The following DRC9 variants were observed in gnomAD, a reference collection of about 807,000 sequenced individuals.
DRC9 encodes the protein dynein regulatory complex protein 9.
At chr3:197,904,035 CATACAT>C in the DRC9 span, among the ~76,000 whole-genome samples, 1 of 72,174 alleles carries the variant, frequency 1.4e-5, no homozygotes, top group Admixed American at 1.2e-4. Context: ...TATATATATA[CATACAT>C]ATATATACAT....
chr3:197,946,161 C>T, the DRC9 span, among the ~76,000 whole-genome samples: 2,766 of 152,080 alleles, frequency 0.018, 84 homozygotes, highest in African/African-American at 0.063. Context: ...TGGGGCCGGG[C>T]GCGGGGGCTC....
chr3:197,926,713 G>C, the DRC9 span, among the ~76,000 whole-genome samples: 2 of 152,132 alleles, frequency 1.3e-5, no homozygotes, highest in Non-Finnish European at 2.9e-5. Context: ...AATCACATGG[G>C]ATGGGCCTTT....
the DRC9 span, chr3:197,957,569 C>T: frequency 1.3e-5 from 2 of 151,256 alleles, no homozygotes; most frequent in Admixed American, 6.6e-5. Context: ...GCCATTCTGT[C>T]TCAGCCTCCC....
At chr3:197,908,689 A>G in the DRC9 span, among the ~76,000 whole-genome samples, 15 of 148,510 alleles carry the variant, frequency 1.0e-4, no homozygotes, top group East Asian at 2.9e-3. Context: ...AGATGAAGTT[A>G]TCACAGGGGT....
the DRC9 span, chr3:197,951,249 C>T: frequency 6.2e-7 from 1 of 1,614,136 alleles, no homozygotes; most frequent in Non-Finnish European, 8.5e-7. Flanking sequence ...AAGGTGTTTA[C>T]GCCCGAGATG....
chr3:197,950,832 A>C, the DRC9 span: 1 of 989,868 alleles, frequency 1.0e-6, no homozygotes, highest in Non-Finnish European at 1.6e-6. Flanking sequence ...TCCTACATGA[A>C]ACTCCCATCC....
At chr3:197,906,013 G>A in the DRC9 span, among the ~76,000 whole-genome samples, 1 of 146,270 alleles carries the variant, frequency 6.8e-6, no homozygotes, top group Non-Finnish European at 1.5e-5. Context: ...TCTCACAGTT[G>A]ATGATTAAAA....
the DRC9 span, chr3:197,912,454 T>C: frequency 6.3e-6 from 3 of 474,444 alleles, no homozygotes; most frequent in Non-Finnish European, 7.5e-6. Context: ...TTATGTAAGC[T>C]CAATGATAAA....
chr3:197,939,132 G>T, the DRC9 span: 1 of 205,422 alleles, frequency 4.9e-6, no homozygotes, highest in South Asian at 9.1e-5. Context: ...TAGAGATCTT[G>T]GTTCCACTTC....
chr3:197,889,844 G>T, the DRC9 span: 3 of 1,057,052 alleles, frequency 2.8e-6, no homozygotes, highest in Non-Finnish European at 2.8e-6. Flanking sequence ...CATGGAAGTA[G>T]CCAGGCACGT....
the DRC9 span, chr3:197,955,907 G>A: frequency 1.3e-6 from 1 of 759,370 alleles, no homozygotes; most frequent in South Asian, 1.4e-5. Flanking sequence ...TGGAGTACAA[G>A]GGGGTCAGAG....
At chr3:197,902,988 C>T in the DRC9 span, among the ~76,000 whole-genome samples, 2,702 of 152,158 alleles carry the variant, frequency 0.018, 90 homozygotes, top group African/African-American at 0.062. Context: ...GACACATAGA[C>T]CAATGGAACA....
At chr3:197,945,289 A>G in the DRC9 span, among the ~76,000 whole-genome samples, 1 of 152,200 alleles carries the variant, frequency 6.6e-6, no homozygotes, top group South Asian at 2.1e-4. Context: ...GTAAGGAACT[A>G]AGGCCTCTTG....
At chr3:197,890,580 T>C in the DRC9 span, among the ~76,000 whole-genome samples, 2 of 152,206 alleles carry the variant, frequency 1.3e-5, no homozygotes, top group Non-Finnish European at 2.9e-5. Flanking sequence ...CAATACGGTC[T>C]CTACTGCTTT....
chr3:197,916,705 A>G, the DRC9 span, among the ~76,000 whole-genome samples: 1 of 152,072 alleles, frequency 6.6e-6, no homozygotes, highest in Non-Finnish European at 1.5e-5. Context: ...CAGCCTCCCA[A>G]GTACCTAGGG....
At chr3:197,919,497 G>A in the DRC9 span, among the ~76,000 whole-genome samples, 3 of 152,278 alleles carry the variant, frequency 2.0e-5, no homozygotes, top group South Asian at 6.2e-4. Flanking sequence ...CCTTCCTCGT[G>A]GTCAGGTCCA....
At chr3:197,895,603 G>GT in the DRC9 span, among the ~76,000 whole-genome samples, 6 of 152,056 alleles carry the variant, frequency 3.9e-5, no homozygotes, top group Non-Finnish European at 7.4e-5. Flanking sequence ...GGTGATACTG[G>GT]TTTTTCCTTT....
At chr3:197,934,418 CA>C in the DRC9 span, among the ~76,000 whole-genome samples, 25 of 152,088 alleles carry the variant, frequency 1.6e-4, no homozygotes, top group African/African-American at 6.0e-4. Context: ...CTCCTGACCT[CA>C]AGTGATCTGC....
At chr3:197,952,762 G>A in the DRC9 span, 1 of 152,228 alleles carries the variant, frequency 6.6e-6, no homozygotes, top group Non-Finnish European at 1.5e-5. Flanking sequence ...CCAGAGTGCT[G>A]GGATTATAGC....
Sources: gnomAD v4.1 joint callset for allele counts (sites outside exome capture counted in the v4.1 genomes callset) on GRCh38, gnomAD v4.1.1 for gene constraint, MANE v1.5 for transcripts, NCBI Gene and HGNC (gene_info 2026-07-23, HGNC 2026-07-21) for gene names.